Variants in CYP3A4 observed in about 807,000 individuals in gnomAD.
CYP3A4 encodes cytochrome P450 family 3 subfamily A member 4.
CYP3A4 carries 41 observed loss-of-function variants against 54.9 expected under a neutral mutation model. The observed-to-expected ratio is 0.75, with a 90% CI of 0.58 to 0.97. CYP3A4 has a LOEUF of 0.97. CYP3A4 is among the 50% of genes least tolerant of loss of function. The pLI is 0.00. For missense variants in CYP3A4, 510 were observed against 597.3 expected (o/e 0.85, Z 1.52); for synonymous variants, 179 against 205.2 (o/e 0.87, Z 1.09).
At position 99,778,143 on chromosome 7, in the gene CYP3A4, T is replaced by C. The variant is rs761639892; in HGVS notation, c.166-63A>G. 16 of 1,376,796 alleles carry C rather than the reference T, an allele frequency of 1.2e-5. No individual in the cohort carries two copies. In the South Asian group the frequency reaches 1.4e-4, roughly 12 times the overall value. 85.3% of individuals were successfully genotyped at this position (1,376,796 alleles called of 1,614,324 possible). On this transcript the variant is annotated intron_variant, in intron 2 of 12. Coordinates refer to ENST00000651514, the MANE Select transcript of CYP3A4 (RefSeq NM_017460.6). ...TTAATGTACTTAACCCTGCCTCTAA[T>C]TGGGATGAAAACAGTCGAAGCCAAT...
chr7:99,783,530 A>G (rs1815979332), intron 1 of CYP3A4, among the ~76,000 whole-genome samples: 1 of 151,280 alleles, frequency 6.6e-6, no homozygotes, highest in African/African-American at 2.4e-5. Flanking sequence ...TTATTCCTTT[A>G]TAGAGCTGCA....
At chr7:99,763,508 C>G (rs1815392436) in intron 10 of CYP3A4, among the ~76,000 whole-genome samples, 1 of 152,198 alleles carries the variant, frequency 6.6e-6, no homozygotes, top group South Asian at 2.1e-4. Flanking sequence ...ACTATGGTGC[C>G]TGCTGCAAAC....
chr7:99,774,520 T>C (rs1437353885), intron 3 of CYP3A4, among the ~76,000 whole-genome samples: 2 of 152,218 alleles, frequency 1.3e-5, no homozygotes, highest in Non-Finnish European at 2.9e-5. Context: ...ATCCCTGGGA[T>C]GCAAGGCTGG....
At chr7:99,759,916 G>A (rs777839255) in intron 12 of CYP3A4, among the ~76,000 whole-genome samples, 2 of 151,960 alleles carry the variant, frequency 1.3e-5, no homozygotes, top group African/African-American at 4.8e-5. Flanking sequence ...CTCACTGCAG[G>A]CTCCGCTCCC....
chr7:99,768,530 A>C, intron 6 of CYP3A4, 28 bp from the exon 7 acceptor site: 1 of 1,612,960 alleles, frequency 6.2e-7, no homozygotes, highest in South Asian at 1.1e-5. Flanking sequence ...TGGAAAATTA[A>C]AATCAGCACC....
At chr7:99,775,628 T>C (rs749718134) in intron 3 of CYP3A4, among the ~76,000 whole-genome samples, 1 of 152,184 alleles carries the variant, frequency 6.6e-6, no homozygotes, top group Non-Finnish European at 1.5e-5. Context: ...TTGGTGAAAC[T>C]GCCTAGCCAT....
At chr7:99,769,044 T>G (rs1815557347) in intron 6 of CYP3A4, among the ~76,000 whole-genome samples, 1 of 152,180 alleles carries the variant, frequency 6.6e-6, no homozygotes, top group South Asian at 2.1e-4. Context: ...CCAGCTGTGG[T>G]GAGCTGAGGT....
At chr7:99,777,217 G>A (rs1310648539) in intron 3 of CYP3A4, among the ~76,000 whole-genome samples, 1 of 151,902 alleles carries the variant, frequency 6.6e-6, no homozygotes, top group African/African-American at 2.4e-5. Context: ...TATTAGAAGG[G>A]TCTGAGACAA....
chr7:99,762,400 A>T, intron 10 of CYP3A4, 133 bp from the exon 11 acceptor site: 1 of 1,265,220 alleles, frequency 7.9e-7, no homozygotes, highest in Non-Finnish European at 1.1e-6. Flanking sequence ...GCATTTATAA[A>T]GTGTTTTAAT....
At chr7:99,777,799 T>C (rs946384601) in intron 3 of CYP3A4, among the ~76,000 whole-genome samples, 1 of 152,186 alleles carries the variant, frequency 6.6e-6, no homozygotes, top group Non-Finnish European at 1.5e-5. Flanking sequence ...CTCTTTGTCT[T>C]GCTTTACTTC....
intron 12 of CYP3A4, among the ~76,000 whole-genome samples, chr7:99,759,413 T>A (rs1815260044): frequency 7.4e-6 from 1 of 134,510 alleles, no homozygotes; most frequent in African/African-American, 3.7e-5. Flanking sequence ...CAGACATGCA[T>A]GCCCACATGT....
intron 4 of CYP3A4, among the ~76,000 whole-genome samples, chr7:99,770,813 A>G (rs1308488371): frequency 2.0e-5 from 3 of 152,230 alleles, no homozygotes; most frequent in Non-Finnish European, 2.9e-5. Flanking sequence ...ATGGATAGAA[A>G]GAAAAAAGAG....
In CYP3A4 at chr7:99,779,976, G is replaced by C. The variant is rs535322773; in HGVS notation, c.165+16C>G. 3.1e-6 allele frequency: 5 copies of C among 1,603,940 alleles called. No homozygotes were observed. Reference sequence around the variant, plus strand: ...GCAATCATAAGAAGCAAAAGAGTGAGCTCAAAAACACTCACCTTATGGTAG... The same window carrying C: ...GCAATCATAAGAAGCAAAAGAGTGACCTCAAAAACACTCACCTTATGGTAG... On this transcript the variant is annotated intron_variant, in intron 2 of 12. Transcript: ENST00000651514.
chr7:99,763,072 C>T (rs570573801), intron 10 of CYP3A4, among the ~76,000 whole-genome samples: 2 of 152,200 alleles, frequency 1.3e-5, no homozygotes, highest in Non-Finnish European at 2.9e-5. Flanking sequence ...CCTAGCTTGG[C>T]TTCTTCACCA....
Position 99,769,800 on chromosome 7 carries a change from T to C in CYP3A4, c.489A>G (p.Glu163=), listed in dbSNP as rs1815580622. 1.2e-6 allele frequency: 2 copies of C among 1,613,916 alleles called. No homozygotes were observed. Among genetic ancestry groups the C allele is most frequent in the African/African-American group, 1.3e-5 (1 of 74,924 alleles). The part of the protein sequence containing the change: ...GDVLVRNLRR[E]AETGKPVTLK... ...AGGTGACAGGCTTGCCTGTCTCTGCTTCCCGCCTCAGATTTCTCACCAACA... is the reference window on the plus strand; with the variant it reads ...AGGTGACAGGCTTGCCTGTCTCTGCCTCCCGCCTCAGATTTCTCACCAACA... The change falls in exon 6 of 13, where the codon GAA becomes GAG. Residue 163 remains glutamate (E), a synonymous_variant. Transcript: ENST00000651514.
At position 99,763,914 on chromosome 7, in the gene CYP3A4, T is replaced by G. The variant is rs1449176667; in HGVS notation, c.967A>C (p.Thr323Pro). The stretch of plus-strand genomic sequence containing the variant: ...AGTTTCTGCTGGACATCAGGGTGAG[T>G]GGCCAGTTCATACATAATGAAGGAG... The part of the protein sequence containing the change: ...VLSFIMYELA[T>P]HPDVQQKLQE... The change falls in exon 10 of 13, where the codon ACT (threonine) becomes CCT (proline). Residue 323 changes from threonine to proline, a missense_variant. Around this residue, in one of 2 missense-constraint regions of CYP3A4, gnomAD observed 238 missense variants for 322.5 expected, o/e 0.74. Transcript: ENST00000651514. 1.9e-6 allele frequency: 3 copies of G among 1,613,910 alleles called. No homozygotes were observed. The highest frequency in any genetic ancestry group is 2.5e-6 in the Non-Finnish European group (3 of 1,179,944).
chr7:99,759,428 AC>A (rs1815260676), intron 12 of CYP3A4, among the ~76,000 whole-genome samples: 2 of 151,858 alleles, frequency 1.3e-5, no homozygotes, highest in Non-Finnish European at 2.9e-5. Flanking sequence ...ACATGTGCAC[AC>A]ACACACACAC....
intron 1 of CYP3A4, among the ~76,000 whole-genome samples, chr7:99,782,781 C>G (rs1815959927): frequency 6.6e-6 from 1 of 152,124 alleles, no homozygotes. Flanking sequence ...ACATAACCTG[C>G]TAAGCAGGTT....
chr7:99,777,477 TG>T (rs1422087294), intron 3 of CYP3A4, among the ~76,000 whole-genome samples: 4 of 170 alleles, frequency 0.024, no homozygotes, highest in Non-Finnish European at 0.036. Context: ...TGTCACTAGT[TG>T]TGTGTGTGTG....
Sources: allele counts gnomAD v4.1 joint callset (sites outside exome capture counted in the v4.1 genomes callset), GRCh38; gene constraint gnomAD v4.1.1; regional missense constraint gnomAD v4.1.1; transcripts MANE v1.5; gene names NCBI Gene and HGNC (gene_info 2026-07-23, HGNC 2026-07-21).